The following CFAP299 variants were observed in gnomAD, a reference collection of about 807,000 sequenced individuals.
CFAP299 encodes cilia and flagella associated protein 299, also known as cilia- and flagella-associated protein 299.
In CFAP299, 21 loss-of-function variants were observed where a neutral mutation model predicts 27.0. That is an observed-to-expected ratio of 0.78 (90% CI 0.55 to 1.12). The LOEUF (loss-of-function observed/expected upper bound fraction) is 1.12, where lower values mean the gene tolerates loss of function less well. Ranked by LOEUF, CFAP299 falls within the 50% of genes most tolerant of loss-of-function variation. The probability of loss-of-function intolerance (pLI) is 0.00; values close to 1 mark genes in which losing one functional copy is unlikely to be tolerated. For synonymous variants in CFAP299, 104 were observed against 98.1 expected (o/e 1.06, Z -0.36); for missense variants, 310 against 276.6 (o/e 1.12, Z -0.86).
intron 3 of CFAP299, among the ~76,000 whole-genome samples, chr4:80,833,268 T>C (rs184351608): frequency 6.6e-6 from 1 of 152,306 alleles, no homozygotes; most frequent in East Asian, 1.9e-4. Flanking sequence ...ACAATTATAT[T>C]AATGTTTCTG....
intron 3 of CFAP299, among the ~76,000 whole-genome samples, chr4:80,746,870 C>A (rs533466226): frequency 2.3e-4 from 35 of 152,118 alleles, no homozygotes; most frequent in Middle Eastern, 3.4e-3. Flanking sequence ...CTTGTGTGCA[C>A]AGACTTGTCC....
chr4:80,885,485 G>A (rs1733927395), intron 4 of CFAP299, among the ~76,000 whole-genome samples: 1 of 152,148 alleles, frequency 6.6e-6, no homozygotes, highest in Non-Finnish European at 1.5e-5. Context: ...CCAAGGTCAG[G>A]AGAGAGAAAA....
Position 80,636,988 on chromosome 4 carries a change from A to T in CFAP299, c.333+53805A>T, listed in dbSNP as rs145005501. On this transcript the variant is annotated intron_variant, in intron 3 of 5. Coordinates refer to ENST00000358105, the MANE Select transcript of CFAP299 (RefSeq NM_152770.3). ...AATAATAATCAGAATTAAAGAAAAA[A>T]GTTTTGTTCAATGTACCTATCAAAT... 4.9e-3 allele frequency among the ~76,000 whole-genome samples: 746 copies of T among 152,308 alleles called. 10 individuals are homozygous for T. The highest frequency in any genetic ancestry group is 0.017 in the African/African-American group (715 of 41,590).
At position 80,629,479 on chromosome 4, in the gene CFAP299, C is replaced by A. The variant is rs180684788; in HGVS notation, c.333+46296C>A. Among the ~76,000 whole-genome samples, 176 of 152,038 alleles carry A rather than the reference C, an allele frequency of 1.2e-3. 1 individual carries two copies. Among genetic ancestry groups the A allele is most frequent in the African/African-American group, 3.4e-3 (139 of 41,462 alleles). On this transcript the variant is annotated intron_variant, in intron 3 of 5. Coordinates refer to ENST00000358105, the MANE Select transcript of CFAP299 (RefSeq NM_152770.3). ...TGTTAACTGTTCTCACTACAAAAAT[C>A]AAAAATGATAGCTATATGAGGGAAT...
chr4:80,355,372 T>TG (rs1723220552), intron 1 of CFAP299, among the ~76,000 whole-genome samples: 2 of 148,172 alleles, frequency 1.3e-5, no homozygotes, highest in African/African-American at 5.0e-5. Context: ...TTTTTTTTTT[T>TG]TTTGAGACAG....
chr4:80,394,573 C>T (rs1725673306), intron 2 of CFAP299, among the ~76,000 whole-genome samples: 1 of 151,998 alleles, frequency 6.6e-6, no homozygotes, highest in African/African-American at 2.4e-5. Flanking sequence ...ACGTATAAGT[C>T]ATTAATCCAT....
At chr4:80,752,003 A>C (rs977162270) in intron 3 of CFAP299, among the ~76,000 whole-genome samples, 2 of 151,726 alleles carry the variant, frequency 1.3e-5, no homozygotes, top group Non-Finnish European at 2.9e-5. Context: ...CTCTGCTGAG[A>C]CTCCACACAG....
chr4:80,800,542 TAA>T (rs1347142664), intron 3 of CFAP299, among the ~76,000 whole-genome samples: 15 of 39,002 alleles, frequency 3.8e-4, no homozygotes, highest in African/African-American at 1.3e-3. Flanking sequence ...ATATAATATA[TAA>T]TATATCAATA....
intron 2 of CFAP299, among the ~76,000 whole-genome samples, chr4:80,406,051 A>G (rs141959745): frequency 1.6e-3 from 247 of 152,314 alleles, no homozygotes; most frequent in African/African-American, 5.2e-3. Flanking sequence ...ATAAAACTCC[A>G]AAACAAAACA....
intron 3 of CFAP299, among the ~76,000 whole-genome samples, chr4:80,685,678 T>C (rs972164942): frequency 6.6e-6 from 1 of 150,736 alleles, no homozygotes; most frequent in African/African-American, 2.4e-5. Context: ...ATTTTTTGAT[T>C]AATTAAGGTG....
intron 2 of CFAP299, among the ~76,000 whole-genome samples, chr4:80,552,542 T>C (rs918622761): frequency 3.9e-5 from 6 of 152,144 alleles, no homozygotes; most frequent in Admixed American, 2.6e-4. Context: ...ATATATCTTA[T>C]AAGTTTTTGC....
intron 3 of CFAP299, among the ~76,000 whole-genome samples, chr4:80,764,389 C>A (rs1274758318): frequency 1.3e-5 from 2 of 152,124 alleles, no homozygotes; most frequent in Non-Finnish European, 1.5e-5. Context: ...ATCAAAACCA[C>A]AACGAGATAC....
In CFAP299 at chr4:80,432,182, T is replaced by G. The variant is rs368838931; in HGVS notation, c.242+69298T>G. Among the ~76,000 whole-genome samples the G allele has an allele frequency of 1.3e-4, 20 of 152,262 alleles. No individual in the cohort carries two copies. The East Asian group carries it at 1.9e-3, about 15-fold the overall frequency. On this transcript the variant is annotated intron_variant, in intron 2 of 5. Coordinates refer to ENST00000358105, the MANE Select transcript of CFAP299 (RefSeq NM_152770.3). ...TTTTGTTTTTTTTGAAATGGAGTCT[T>G]GCTGTGTCGCCCAGGCTGGAGTGCA...
chr4:80,937,585 A>G (rs1736978368), intron 4 of CFAP299, among the ~76,000 whole-genome samples: 1 of 151,650 alleles, frequency 6.6e-6, no homozygotes, highest in Admixed American at 6.6e-5. Flanking sequence ...CCTCAGGAAT[A>G]TTTTCTATTC....
intron 2 of CFAP299, among the ~76,000 whole-genome samples, chr4:80,397,251 T>C (rs1725853860): frequency 6.6e-6 from 1 of 152,188 alleles, no homozygotes; most frequent in East Asian, 1.9e-4. Context: ...TTTTATTGCA[T>C]GTATTTGATT....
intron 3 of CFAP299, among the ~76,000 whole-genome samples, chr4:80,616,224 C>T (rs1248662604): frequency 6.6e-6 from 1 of 152,064 alleles, no homozygotes; most frequent in East Asian, 1.9e-4. Flanking sequence ...TGTGACTCTT[C>T]CTTGTGATCC....
At chr4:80,600,577 T>C (rs2109900095) in intron 3 of CFAP299, among the ~76,000 whole-genome samples, 1 of 152,272 alleles carries the variant, frequency 6.6e-6, no homozygotes. Flanking sequence ...TTAATAATTG[T>C]AAAAAGTGGC....
chr4:80,626,442 A>C (rs1256861989), intron 3 of CFAP299, among the ~76,000 whole-genome samples: 3 of 151,902 alleles, frequency 2.0e-5, no homozygotes, highest in Admixed American at 6.6e-5. Flanking sequence ...AAAAGATCTC[A>C]AATAAACAAC....
rs372283605 is a variant in CFAP299 at position 80,371,342 on chromosome 4, C to G, written c.242+8458C>G. ...AAGGTCTCTGGAATGCCTTTTGAGGCCTTTTCCCCATTATCTTGGCTATTA... is the reference window on the plus strand; with the variant it reads ...AAGGTCTCTGGAATGCCTTTTGAGGGCTTTTCCCCATTATCTTGGCTATTA... On this transcript the variant is annotated intron_variant, in intron 2 of 5. Transcript: ENST00000358105. Among the ~76,000 whole-genome samples the G allele has an allele frequency of 1.4e-3, 217 of 152,278 alleles. 1 individual carries two copies. In the South Asian group the frequency reaches 0.027, roughly 19 times the overall value.
Sources: allele counts gnomAD v4.1 joint callset (sites outside exome capture counted in the v4.1 genomes callset), GRCh38; gene constraint gnomAD v4.1.1; transcripts MANE v1.5; gene names NCBI Gene and HGNC (gene_info 2026-07-23, HGNC 2026-07-21).